C4orf51: variants seen among roughly 807,000 people sequenced by gnomAD.
C4orf51 encodes chromosome 4 open reading frame 51, also known as uncharacterized protein C4orf51.
Under a neutral mutation model 25.2 loss-of-function variants are expected in C4orf51, and 25 were observed. That is an observed-to-expected ratio of 0.99 (90% CI 0.72 to 1.39). The LOEUF is 1.39. C4orf51 is among the 40% of genes most tolerant of loss of function. The probability of loss-of-function intolerance (pLI) is 0.00; values close to 1 mark genes in which losing one functional copy is unlikely to be tolerated. For synonymous variants in C4orf51, 100 were observed against 84.5 expected (o/e 1.18, Z -1.01); for missense variants, 252 against 239.6 (o/e 1.05, Z -0.34).
chr4:145,688,947 A>T (rs1404644469), intron 1 of C4orf51, among the ~76,000 whole-genome samples: 2 of 152,214 alleles, frequency 1.3e-5, no homozygotes, highest in Non-Finnish European at 2.9e-5. Flanking sequence ...AACAACAAAC[A>T]TATTATAAAG....
chr4:145,713,259 G>T (rs891446479), intron 2 of C4orf51, among the ~76,000 whole-genome samples: 3 of 152,184 alleles, frequency 2.0e-5, no homozygotes, highest in Admixed American at 6.5e-5. Context: ...GTTTCATAAG[G>T]CTATGGACAC....
At chr4:145,751,499 G>A (rs960049529) in intron 1 of C4orf51, among the ~76,000 whole-genome samples, 4 of 152,158 alleles carry the variant, frequency 2.6e-5, no homozygotes, top group African/African-American at 4.8e-5. Context: ...GAGTCTCTGT[G>A]TGTGTTCTGA....
intron 1 of C4orf51, among the ~76,000 whole-genome samples, chr4:145,744,617 C>T (rs986763004): frequency 6.6e-5 from 10 of 151,764 alleles, no homozygotes; most frequent in African/African-American, 1.9e-4. Context: ...GTCAGGAGAT[C>T]GAGACCATCC....
Position 145,765,313 on chromosome 4 carries a change from C to T in C4orf51, n.167-5675C>T. ...AGGCACTGTTCCCCATATCTCTGTG[C>T]TAAAAGGAGTTAAATGTACAAACAT... On this transcript the variant is annotated intron_variant and non_coding_transcript_variant, in intron 1 of 1. Transcript: ENST00000510096. This position sits in a 1 kb window ranked among gnomAD's most constrained non-coding sequence, Gnocchi z 4.7. 9.8e-7 allele frequency: 1 copy of T among 1,018,464 alleles called. No individual in the cohort carries two copies. The highest frequency in any genetic ancestry group is 2.9e-5 in the Admixed American group (1 of 34,112). 63.1% of individuals were successfully genotyped at this position (1,018,464 alleles called of 1,614,324 possible).
intron 2 of C4orf51, among the ~76,000 whole-genome samples, chr4:145,704,278 C>T (rs1488335927): frequency 1.3e-5 from 2 of 152,280 alleles, no homozygotes; most frequent in South Asian, 2.1e-4. Context: ...AGGTGTCAGA[C>T]TCTCAACCTC....
chr4:145,727,985 T>C (rs1418972165), intron 3 of C4orf51, among the ~76,000 whole-genome samples: 3 of 134,616 alleles, frequency 2.2e-5, no homozygotes, highest in Non-Finnish European at 4.6e-5. Flanking sequence ...ATATACATTA[T>C]ATATAATATA....
At chr4:145,710,123 G>A (rs1247686440) in intron 2 of C4orf51, among the ~76,000 whole-genome samples, 1 of 152,208 alleles carries the variant, frequency 6.6e-6, no homozygotes, top group East Asian at 1.9e-4. Flanking sequence ...ATGTATTTGA[G>A]TCATGGCACC....
At chr4:145,727,648 G>T (rs1732136946) in intron 3 of C4orf51, among the ~76,000 whole-genome samples, 1 of 151,402 alleles carries the variant, frequency 6.6e-6, no homozygotes, top group Non-Finnish European at 1.5e-5. Flanking sequence ...GGCCAAGACA[G>T]GTGGATCACC....
chr4:145,768,784 T>TGGA (rs1362621233), intron 1 of C4orf51, among the ~76,000 whole-genome samples: 1 of 130,916 alleles, frequency 7.6e-6, no homozygotes, highest in African/African-American at 3.0e-5. Flanking sequence ...CTTGAACCCA[T>TGGA]GGAGGCGGAG....
chr4:145,706,618 A>G (rs2126717133), intron 2 of C4orf51, among the ~76,000 whole-genome samples: 1 of 152,090 alleles, frequency 6.6e-6, no homozygotes, highest in East Asian at 1.9e-4. Flanking sequence ...AGTTTCTCCA[A>G]TTGTGTCCTG....
At chr4:145,764,934 G>A (rs1479738867) in intron 1 of C4orf51, 9 of 1,607,740 alleles carry the variant, frequency 5.6e-6, no homozygotes, top group Admixed American at 5.0e-5. Context: ...GTAGGGAAGG[G>A]GAAAGGGTAT....
chr4:145,686,298 G>A (rs1353652660), intron 1 of C4orf51, among the ~76,000 whole-genome samples: 2 of 152,154 alleles, frequency 1.3e-5, no homozygotes, highest in Middle Eastern at 3.4e-3. Flanking sequence ...TTTTTGTTTG[G>A]GTTGACTAAA....
At chr4:145,685,538 C>T (rs1396945584) in intron 1 of C4orf51, among the ~76,000 whole-genome samples, 2 of 152,150 alleles carry the variant, frequency 1.3e-5, no homozygotes, top group Non-Finnish European at 2.9e-5. Context: ...ATTGAGCAAG[C>T]AGCGGGTAAC....
At chr4:145,769,190 G>A (rs1026243121) in intron 1 of C4orf51, among the ~76,000 whole-genome samples, 42 of 152,056 alleles carry the variant, frequency 2.8e-4, no homozygotes, top group African/African-American at 9.4e-4. Context: ...AGAACTGCAA[G>A]TATGTGACCT....
the C4orf51 span, among the ~76,000 whole-genome samples, chr4:145,777,390 A>G: frequency 6.6e-6 from 1 of 152,234 alleles, no homozygotes; most frequent in African/African-American, 2.4e-5. Context: ...TCAAAAGGTT[A>G]GAAAGAACTC....
rs143493176 is a variant in C4orf51, at chr4:145,700,261, C to T, written c.307+3629C>T. Among the ~76,000 whole-genome samples, 922 of 150,632 alleles carry T rather than the reference C, an allele frequency of 6.1e-3. 32 individuals carry two copies. The highest frequency in any genetic ancestry group is 0.022 in the African/African-American group (882 of 40,114). On this transcript the variant is annotated intron_variant, in intron 2 of 5. Transcript: ENST00000438731. ...ACCCCAACCTCTTATCTCTGTGCCC[C>T]AATCCCTTATTTCCGTGCCCTGACC... is the stretch of plus-strand genomic sequence containing the variant.
chr4:145,760,740 C>CT, intron 1 of C4orf51: 1 of 478,334 alleles, frequency 2.1e-6, no homozygotes, highest in Non-Finnish European at 2.6e-6. Flanking sequence ...TTTTTTTTGT[C>CT]TTTTGTCTCT....
intron 2 of C4orf51, among the ~76,000 whole-genome samples, chr4:145,709,276 G>C (rs544813122): frequency 1.6e-4 from 24 of 152,300 alleles, no homozygotes; most frequent in African/African-American, 5.8e-4. Context: ...CCCTATGCAG[G>C]TGAAAAACCT....
At chr4:145,706,672 G>A (rs965310128) in intron 2 of C4orf51, among the ~76,000 whole-genome samples, 3 of 151,688 alleles carry the variant, frequency 2.0e-5, no homozygotes, top group East Asian at 1.9e-4. Context: ...ACAGAGTCTC[G>A]CTCTGTCGCC....
Sources: gnomAD v4.1 joint callset for allele counts (sites outside exome capture counted in the v4.1 genomes callset) on GRCh38, gnomAD v4.1.1 for gene constraint, Gnocchi (gnomAD v3.1) non-coding constraint, MANE v1.5 for transcripts, NCBI Gene and HGNC (gene_info 2026-07-23, HGNC 2026-07-21) for gene names.